Variants in MGLL observed in about 807,000 individuals in gnomAD.
MGLL encodes lysophospholipase homolog.
In MGLL, 7 loss-of-function variants were observed where a neutral mutation model predicts 29.1. That is an observed-to-expected ratio of 0.24 (90% CI 0.14 to 0.45). The LOEUF (loss-of-function observed/expected upper bound fraction) is 0.45, where lower values mean the gene tolerates loss of function less well. Ranked by LOEUF, MGLL falls within the 20% of genes least tolerant of loss-of-function variation. The pLI, the probability that MGLL is intolerant of heterozygous loss-of-function variation, is 0.99. For missense variants in MGLL, 356 were observed against 413.6 expected (o/e 0.86, Z 1.21); for synonymous variants, 148 against 168.3 (o/e 0.88, Z 0.93).
chr3:127,726,176 GAAAGAAAGAAAAGA>G lies in MGLL; in HGVS notation c.263-3624_263-3611del, dbSNP rs1200171301. Among the ~76,000 whole-genome samples the G allele has an allele frequency of 7.1e-3, 334 of 47,112 alleles. 6 individuals carry two copies. The highest frequency in any genetic ancestry group is 0.047 in the Middle Eastern group (3 of 64). The allele number at this position is 47,112 out of a possible 152,430, so 30.9% of individuals were successfully genotyped here. On this transcript the variant is annotated intron_variant, in intron 3 of 7. Transcript: ENST00000265052. ...AGAAAGAAAGAAAGAAAGAAAGAAA[GAAAGAAAGAAAAGA>G]AAAGAAAGAAAGAAAGACAGAAGGA...
rs538854801 is a variant in MGLL at position 127,692,259 on chromosome 3, T to A, written c.881A>T (p.His294Leu). The change falls in exon 8 of 8, where the codon CAT (histidine) becomes CTT (leucine). Residue 294 changes from histidine (H) to leucine (L), a missense_variant. Coordinates refer to ENST00000265052, the MANE Select transcript of MGLL (RefSeq NM_007283.7). Reference protein sequence around the residue: ...ELPEVTNSVFHEINMWVSQRT... With the variant: ...ELPEVTNSVFLEINMWVSQRT... ...TTGAGAGACCCACATGTTTATTTCA[T>A]GGAAGACGGAGTTGGTGACTTCAGG... 2.2e-5 allele frequency: 35 copies of A among 1,614,020 alleles called. No homozygotes were observed. The highest frequency in any genetic ancestry group is 2.7e-5 in the Non-Finnish European group (32 of 1,179,980).
At chr3:127,735,797 T>A (rs772084242) in intron 3 of MGLL, 28 of 1,598,248 alleles carry the variant, frequency 1.8e-5, no homozygotes, top group Non-Finnish European at 2.2e-5. Context: ...ATGTATAAAT[T>A]CTGGCATTCT....
At chr3:127,818,803 A>C (rs1204836344) in intron 2 of MGLL, among the ~76,000 whole-genome samples, 1 of 152,206 alleles carries the variant, frequency 6.6e-6, no homozygotes, top group Non-Finnish European at 1.5e-5. Context: ...GAATAGTAAG[A>C]ATAATAATAC....
intron 6 of MGLL, 101 bp downstream of exon 6, chr3:127,710,475 G>T: frequency 9.2e-7 from 1 of 1,087,102 alleles, no homozygotes; most frequent in Non-Finnish European, 1.4e-6. Context: ...ACAGGGCCTC[G>T]GTGAAAGGGC....
intron 2 of MGLL, among the ~76,000 whole-genome samples, chr3:127,783,383 C>CT (rs1243300482): frequency 6.6e-6 from 1 of 152,130 alleles, no homozygotes; most frequent in Non-Finnish European, 1.5e-5. Context: ...CTGCACACCC[C>CT]TGCTGACCGT....
chr3:127,773,502 G>A (rs2107697776), intron 3 of MGLL, among the ~76,000 whole-genome samples: 1 of 152,338 alleles, frequency 6.6e-6, no homozygotes, highest in South Asian at 2.1e-4. Flanking sequence ...CAGGCCCTGG[G>A]GGTCACCACA....
chr3:127,817,068 G>A (rs1172863073), intron 2 of MGLL, among the ~76,000 whole-genome samples: 3 of 152,338 alleles, frequency 2.0e-5, no homozygotes, highest in South Asian at 2.1e-4. Flanking sequence ...CCATGGTGAG[G>A]GGTGACTACA....
At chr3:127,822,133 A>G in intron 1 of MGLL, 176 bp downstream of exon 1, 1 of 742,952 alleles carries the variant, frequency 1.3e-6, no homozygotes, top group Non-Finnish European at 2.2e-6. Flanking sequence ...CTTAAAGACT[A>G]TTTTAGCTGT....
Position 127,756,521 on chromosome 3 carries a change from C to T in MGLL, c.262+25268G>A, listed in dbSNP as rs534943298. 2.0e-5 allele frequency among the ~76,000 whole-genome samples: 3 copies of T among 152,298 alleles called. No individual in the cohort carries two copies. The South Asian group carries it at 6.2e-4, about 32-fold the overall frequency. ...CCCATCTCACCCATCCCCGATCAGCCCTGGTGCTTCCCCACATGCCCCCAT... is the reference window on the plus strand; with the variant it reads ...CCCATCTCACCCATCCCCGATCAGCTCTGGTGCTTCCCCACATGCCCCCAT... On this transcript the variant is annotated intron_variant, in intron 3 of 7. Transcript: ENST00000265052.
chr3:127,736,520 G>A (rs970878822), intron 3 of MGLL, among the ~76,000 whole-genome samples: 1 of 152,186 alleles, frequency 6.6e-6, no homozygotes, highest in Non-Finnish European at 1.5e-5. Flanking sequence ...GTGAGGGGAA[G>A]GGCTCCTTTC....
chr3:127,801,326 G>T (rs907523997), intron 2 of MGLL, among the ~76,000 whole-genome samples: 1 of 142,332 alleles, frequency 7.0e-6, no homozygotes, highest in African/African-American at 2.6e-5. Flanking sequence ...AAAAAGGAGT[G>T]GGGGTAACGG....
At chr3:127,806,028 A>G (rs553944198) in intron 2 of MGLL, among the ~76,000 whole-genome samples, 12 of 152,324 alleles carry the variant, frequency 7.9e-5, no homozygotes, top group South Asian at 2.1e-4. Context: ...TGTCTCCCCA[A>G]TTCTTGGCTG....
intron 2 of MGLL, among the ~76,000 whole-genome samples, chr3:127,794,603 T>C (rs2077354504): frequency 6.6e-6 from 1 of 152,250 alleles, no homozygotes; most frequent in Admixed American, 6.5e-5. Context: ...TCTTCTGTGA[T>C]GTAAGGCTAT....
At chr3:127,721,019 T>C in intron 5 of MGLL, 34 bp downstream of exon 5, 1 of 1,574,680 alleles carries the variant, frequency 6.4e-7, no homozygotes, top group Middle Eastern at 1.7e-4. Context: ...CCGGGGAACC[T>C]GTAGGAATTG....
chr3:127,726,149 A>AAAGAAAGAAAGAAAGAAAGAAAGG (rs2076030792), intron 3 of MGLL, among the ~76,000 whole-genome samples: 3 of 27,436 alleles, frequency 1.1e-4, no homozygotes, highest in Non-Finnish European at 2.6e-4. Context: ...AGAAAGAAAG[A>AAAGAAAGAAAGAAAGAAAGAAAGG]AAGAAAGAAA....
intron 2 of MGLL, among the ~76,000 whole-genome samples, chr3:127,812,775 G>A (rs1015892232): frequency 6.6e-6 from 1 of 152,210 alleles, no homozygotes; most frequent in African/African-American, 2.4e-5. Context: ...TGTGGGAAAG[G>A]TGCTATTAGT....
At chr3:127,735,817 C>G (rs1355514184) in intron 3 of MGLL, 3 of 1,598,204 alleles carry the variant, frequency 1.9e-6, no homozygotes, top group Non-Finnish European at 2.5e-6. Flanking sequence ...TCTTGGTGCT[C>G]GCATCCTTCC....
intron 2 of MGLL, among the ~76,000 whole-genome samples, chr3:127,817,712 G>A (rs2077781596): frequency 6.6e-6 from 1 of 152,236 alleles, no homozygotes; most frequent in Non-Finnish European, 1.5e-5. Flanking sequence ...AATGTTTTCA[G>A]ACCGCACCCT....
intron 3 of MGLL, among the ~76,000 whole-genome samples, chr3:127,770,154 C>T (rs1171096181): frequency 6.6e-6 from 1 of 152,088 alleles, no homozygotes; most frequent in Non-Finnish European, 1.5e-5. Flanking sequence ...TCCCAAGTAG[C>T]GGGGACAGGT....
Sources: allele counts gnomAD v4.1 joint callset (sites outside exome capture counted in the v4.1 genomes callset), GRCh38; gene constraint gnomAD v4.1.1; transcripts MANE v1.5; gene names NCBI Gene and HGNC (gene_info 2026-07-23, HGNC 2026-07-21).